MAN1A1: variants seen among roughly 807,000 people sequenced by gnomAD.
The protein encoded by MAN1A1 is mannosidase alpha class 1A member 1, also known as mannosyl-oligosaccharide 1,2-alpha-mannosidase IA.
A neutral mutation model predicts 70.8 loss-of-function variants in MAN1A1; 29 were observed. The ratio of observed to expected loss-of-function variants is 0.41; its 90% CI spans 0.31 to 0.56. The LOEUF is 0.56. Among genes scored for constraint, MAN1A1 ranks in the 20% least tolerant of loss-of-function variants. The pLI, the probability that MAN1A1 is intolerant of heterozygous loss-of-function variation, is 0.29. For synonymous variants in MAN1A1, 349 were observed against 330.1 expected, an observed-to-expected ratio of 1.06 and a Z score of -0.62; for missense variants, 747 against 841.3, an observed-to-expected ratio of 0.89 and a Z score of 1.39.
At chr6:119,184,111 T>G (rs116001355) in intron 11 of MAN1A1, among the ~76,000 whole-genome samples, 2,772 of 152,252 alleles carry the variant, frequency 0.018, 92 homozygotes, top group African/African-American at 0.06. Context: ...GACAAATAGC[T>G]TTCCTGGGCC....
chr6:119,227,308 T>C (rs9489628), intron 6 of MAN1A1, among the ~76,000 whole-genome samples: 63,663 of 152,024 alleles, frequency 0.42, 13,820 homozygotes, highest in East Asian at 0.67. Context: ...AGGAAAGTTT[T>C]GTGAGTAACG....
At chr6:119,280,276 G>C (rs973661284) in intron 5 of MAN1A1, among the ~76,000 whole-genome samples, 2 of 152,228 alleles carry the variant, frequency 1.3e-5, no homozygotes, top group East Asian at 1.9e-4. Flanking sequence ...CTGGGAGCCA[G>C]AATGCCCAAG....
intron 6 of MAN1A1, among the ~76,000 whole-genome samples, chr6:119,216,762 AT>A (rs1256033748): frequency 6.6e-6 from 1 of 152,230 alleles, no homozygotes; most frequent in Non-Finnish European, 1.5e-5. Context: ...GAAACAAAAG[AT>A]TATGTAACAG....
chr6:119,262,745 A>G (rs889086027), intron 5 of MAN1A1, among the ~76,000 whole-genome samples: 10 of 152,218 alleles, frequency 6.6e-5, no homozygotes, highest in African/African-American at 2.4e-4. Context: ...TCAGCAGTAG[A>G]CTAGATAAAG....
chr6:119,189,996 G>A (rs1773399545), intron 9 of MAN1A1, 113 bp from the exon 10 acceptor site: 2 of 843,066 alleles, frequency 2.4e-6, no homozygotes, highest in South Asian at 3.6e-5. Context: ...TCAGAGTTTG[G>A]TGTTAAAAAT....
intron 5 of MAN1A1, among the ~76,000 whole-genome samples, chr6:119,284,155 C>T (rs1024207502): frequency 2.0e-5 from 3 of 152,106 alleles, no homozygotes; most frequent in Non-Finnish European, 4.4e-5. Context: ...TATCTCGAGG[C>T]CATGAGCAGT....
chr6:119,250,547 A>G (rs891261581), intron 5 of MAN1A1, among the ~76,000 whole-genome samples: 1 of 152,172 alleles, frequency 6.6e-6, no homozygotes. Flanking sequence ...TGTAGTTTTT[A>G]TGGTGATAAT....
chr6:119,266,998 C>G (rs1562217624), intron 5 of MAN1A1, among the ~76,000 whole-genome samples: 1 of 152,118 alleles, frequency 6.6e-6, no homozygotes, highest in Admixed American at 6.5e-5. Flanking sequence ...TTCCACATCG[C>G]AAATCATCAA....
At chr6:119,239,753 T>G (rs572532644) in intron 6 of MAN1A1, among the ~76,000 whole-genome samples, 28 of 152,336 alleles carry the variant, frequency 1.8e-4, no homozygotes, top group African/African-American at 6.5e-4. Flanking sequence ...GAAAATTGAT[T>G]GCTGGGTCAT....
At chr6:119,253,728 T>C (rs1775387264) in intron 5 of MAN1A1, among the ~76,000 whole-genome samples, 1 of 152,188 alleles carries the variant, frequency 6.6e-6, no homozygotes, top group Non-Finnish European at 1.5e-5. Flanking sequence ...AAATTCATGG[T>C]CCAAAACAAC....
At chr6:119,221,900 C>G (rs1020527740) in intron 6 of MAN1A1, among the ~76,000 whole-genome samples, 5 of 152,094 alleles carry the variant, frequency 3.3e-5, no homozygotes, top group African/African-American at 1.2e-4. Flanking sequence ...TGTTGTAGTG[C>G]CTTCACCTAT....
chr6:119,190,952 T>C (rs1307071170), intron 9 of MAN1A1, among the ~76,000 whole-genome samples: 3 of 152,142 alleles, frequency 2.0e-5, no homozygotes, highest in Non-Finnish European at 4.4e-5. Flanking sequence ...TACACTGCTA[T>C]CAAGAGAGAG....
chr6:119,279,539 T>C (rs1196160765), intron 5 of MAN1A1, among the ~76,000 whole-genome samples: 2 of 152,250 alleles, frequency 1.3e-5, no homozygotes, highest in Non-Finnish European at 2.9e-5. Flanking sequence ...ACCATGTTTC[T>C]GTACTCAACC....
intron 8 of MAN1A1, among the ~76,000 whole-genome samples, chr6:119,199,081 T>C (rs965340559): frequency 3.3e-5 from 5 of 152,232 alleles, no homozygotes; most frequent in South Asian, 2.1e-4. Context: ...CACTGAACTA[T>C]GCAGATCTTT....
intron 5 of MAN1A1, 78 bp from the exon 6 acceptor site, chr6:119,248,432 C>A: frequency 1.4e-6 from 1 of 731,386 alleles, no homozygotes; most frequent in Non-Finnish European, 2.4e-6. Context: ...TAATAGTTAC[C>A]ACTTTTCTAC....
At chr6:119,315,122 A>G (rs1772814364) in intron 2 of MAN1A1, among the ~76,000 whole-genome samples, 1 of 152,158 alleles carries the variant, frequency 6.6e-6, no homozygotes, top group Non-Finnish European at 1.5e-5. Context: ...CAGGTACTCG[A>G]GGTTGCCTCT....
intron 5 of MAN1A1, among the ~76,000 whole-genome samples, chr6:119,284,806 T>C (rs1309534108): frequency 1.3e-5 from 2 of 152,190 alleles, no homozygotes; most frequent in Non-Finnish European, 2.9e-5. Context: ...ACATTTCTAA[T>C]GTTATATTTT....
At chr6:119,340,736 C>T (rs1773574316) in intron 2 of MAN1A1, among the ~76,000 whole-genome samples, 2 of 152,186 alleles carry the variant, frequency 1.3e-5, no homozygotes, top group Admixed American at 1.3e-4. Context: ...CTCTCTCATA[C>T]TAAGTTGCTA....
chr6:119,253,843 C>T lies in MAN1A1; in HGVS notation c.898-5489G>A, dbSNP rs140234356. On this transcript the variant is annotated intron_variant, in intron 5 of 12. Transcript: ENST00000368468. The stretch of plus-strand genomic sequence containing the variant: ...CTCCATCCCGTTCCACTAGTTGCTA[C>T]TGTCTGAAAATAATTATCTCCAGTA... Among the ~76,000 whole-genome samples, 684 of 152,302 alleles carry T rather than the reference C, an allele frequency of 4.5e-3. 9 individuals carry two copies. Among genetic ancestry groups the T allele is most frequent in the African/African-American group, 0.016 (670 of 41,568 alleles).
Sources: allele counts gnomAD v4.1 joint callset (sites outside exome capture counted in the v4.1 genomes callset), GRCh38; gene constraint gnomAD v4.1.1; transcripts MANE v1.5; gene names NCBI Gene and HGNC (gene_info 2026-07-23, HGNC 2026-07-21).